Variants in RNGTT observed in about 807,000 individuals in gnomAD.
The protein encoded by RNGTT is RNA guanylyltransferase and 5'-phosphatase.
RNGTT carries 33 observed loss-of-function variants against 79.3 expected under a neutral mutation model. The observed-to-expected ratio is 0.42, with a 90% confidence interval of 0.32 to 0.56. The LOEUF is 0.56. RNGTT is among the 20% of genes least tolerant of loss of function. The pLI, the probability that RNGTT is intolerant of heterozygous loss-of-function variation, is 0.17. For missense variants in RNGTT, 497 were observed against 739.1 expected, an observed-to-expected ratio of 0.67 and a Z score of 3.80; for synonymous variants, 222 against 235.9, an observed-to-expected ratio of 0.94 and a Z score of 0.54.
At chr6:88,680,910 G>A (rs865992306) in intron 13 of RNGTT, among the ~76,000 whole-genome samples, 1 of 152,060 alleles carries the variant, frequency 6.6e-6, no homozygotes, top group Non-Finnish European at 1.5e-5. Flanking sequence ...TTACAAACAC[G>A]ACTAAAGGCA....
chr6:88,916,490 CAG>C (rs577879618), intron 4 of RNGTT, among the ~76,000 whole-genome samples: 27 of 152,178 alleles, frequency 1.8e-4, no homozygotes, highest in African/African-American at 6.5e-4. Context: ...AATAAATCAT[CAG>C]AGTGTACAAT....
intron 8 of RNGTT, among the ~76,000 whole-genome samples, chr6:88,871,875 G>GCCA (rs924135784): frequency 5.3e-5 from 8 of 152,022 alleles, no homozygotes; most frequent in Admixed American, 6.6e-5. Flanking sequence ...GGAGTTTATG[G>GCCA]CCACGAAGAA....
intron 13 of RNGTT, among the ~76,000 whole-genome samples, chr6:88,690,788 ATT>A (rs1419172752): frequency 6.6e-6 from 1 of 152,154 alleles, no homozygotes; most frequent in African/African-American, 2.4e-5. Context: ...AGTAGATGAA[ATT>A]TATAACACAC....
At chr6:88,949,497 C>G (rs777794740) in intron 1 of RNGTT, among the ~76,000 whole-genome samples, 8 of 151,990 alleles carry the variant, frequency 5.3e-5, no homozygotes, top group African/African-American at 1.9e-4. Flanking sequence ...CTCCTGACCT[C>G]GTGATCCACC....
chr6:88,815,766 C>T (rs1228558841), intron 11 of RNGTT, among the ~76,000 whole-genome samples: 2 of 152,194 alleles, frequency 1.3e-5, no homozygotes, highest in Non-Finnish European at 2.9e-5. Context: ...TTAGCCATCA[C>T]AGATGAGACC....
At chr6:88,879,636 T>TA (rs1782632843) in intron 8 of RNGTT, among the ~76,000 whole-genome samples, 1 of 152,126 alleles carries the variant, frequency 6.6e-6, no homozygotes, top group African/African-American at 2.4e-5. Flanking sequence ...GTAAATTACA[T>TA]AAAAAATCTT....
chr6:88,781,892 C>G (rs1179250213), intron 12 of RNGTT, among the ~76,000 whole-genome samples: 1 of 152,054 alleles, frequency 6.6e-6, no homozygotes, highest in Non-Finnish European at 1.5e-5. Flanking sequence ...ATCTCTATTA[C>G]TTTTTCACCC....
At chr6:88,830,893 A>G (rs772613841) in intron 11 of RNGTT, among the ~76,000 whole-genome samples, 2 of 152,240 alleles carry the variant, frequency 1.3e-5, no homozygotes, top group Non-Finnish European at 2.9e-5. Flanking sequence ...ACCAGGAAGA[A>G]GTCAAATCCC....
intron 12 of RNGTT, among the ~76,000 whole-genome samples, chr6:88,773,545 CT>C (rs1778772757): frequency 6.7e-6 from 1 of 149,548 alleles, no homozygotes; most frequent in African/African-American, 2.5e-5. Flanking sequence ...AAGAGTCACA[CT>C]TTTTACTTTT....
intron 6 of RNGTT, among the ~76,000 whole-genome samples, chr6:88,893,888 G>A (rs1783135903): frequency 6.6e-6 from 1 of 152,054 alleles, no homozygotes; most frequent in South Asian, 2.1e-4. Flanking sequence ...GCTATTTAAT[G>A]TTACTACAAT....
At chr6:88,836,086 CAT>C (rs201677871) in intron 11 of RNGTT, among the ~76,000 whole-genome samples, 273 of 138,362 alleles carry the variant, frequency 2.0e-3, no homozygotes, top group Non-Finnish European at 3.3e-3. Context: ...ATAAGATTTA[CAT>C]ATATATATAT....
intron 8 of RNGTT, among the ~76,000 whole-genome samples, chr6:88,859,629 A>C (rs1781946065): frequency 6.6e-6 from 1 of 152,218 alleles, no homozygotes; most frequent in South Asian, 2.1e-4. Context: ...CCAGCAGGTT[A>C]GGAAGTGATA....
At chr6:88,942,378 C>A (rs557809736) in intron 1 of RNGTT, among the ~76,000 whole-genome samples, 1 of 151,746 alleles carries the variant, frequency 6.6e-6, no homozygotes, top group Non-Finnish European at 1.5e-5. Flanking sequence ...TATATGTATG[C>A]GTATTATTTT....
chr6:88,884,897 T>C (rs909985216), intron 8 of RNGTT, among the ~76,000 whole-genome samples: 2 of 152,192 alleles, frequency 1.3e-5, no homozygotes, highest in Non-Finnish European at 2.9e-5. Flanking sequence ...AACTACTTTA[T>C]GTGTATTATA....
chr6:88,853,274 G>A (rs995458093), intron 9 of RNGTT, among the ~76,000 whole-genome samples: 5 of 152,174 alleles, frequency 3.3e-5, no homozygotes, highest in Admixed American at 1.3e-4. Context: ...CTGGGAGGCT[G>A]AGGCGGGTGG....
At chr6:88,744,350 C>T (rs1777589826) in intron 13 of RNGTT, among the ~76,000 whole-genome samples, 1 of 152,118 alleles carries the variant, frequency 6.6e-6, no homozygotes, top group Admixed American at 6.6e-5. Flanking sequence ...CAACCTCCAC[C>T]TCCCGGGTTT....
intron 8 of RNGTT, among the ~76,000 whole-genome samples, chr6:88,885,714 G>A (rs1265412209): frequency 6.6e-6 from 1 of 152,192 alleles, no homozygotes; most frequent in African/African-American, 2.4e-5. Context: ...TGGCAGACAT[G>A]CCTTTATCAA....
intron 13 of RNGTT, among the ~76,000 whole-genome samples, chr6:88,738,746 G>C (rs892621658): frequency 1.3e-5 from 2 of 152,030 alleles, no homozygotes; most frequent in African/African-American, 4.8e-5. Context: ...GGGGGCCCAA[G>C]AGGTGTATAT....
chr6:88,647,091 C>G (rs6919725), intron 14 of RNGTT, among the ~76,000 whole-genome samples: 1 of 151,436 alleles, frequency 6.6e-6, no homozygotes, highest in Non-Finnish European at 1.5e-5. Flanking sequence ...ACCATTGAGG[C>G]CGGGGACCAT....
Sources: allele counts gnomAD v4.1 joint callset (sites outside exome capture counted in the v4.1 genomes callset), GRCh38; gene constraint gnomAD v4.1.1; transcripts MANE v1.5; gene names NCBI Gene and HGNC (gene_info 2026-07-23, HGNC 2026-07-21).